The following KPNA1 variants were observed in gnomAD, a reference collection of about 807,000 sequenced individuals.
The protein encoded by KPNA1 is importin subunit alpha-5.
In KPNA1, 10 loss-of-function variants were observed where a neutral mutation model predicts 70.5. The observed-to-expected ratio is 0.14, with a 90% CI of 0.09 to 0.24. KPNA1 has a LOEUF of 0.24. Among genes scored for constraint, KPNA1 ranks in the 10% least tolerant of loss-of-function variants. The probability of loss-of-function intolerance (pLI) is 1.00; values close to 1 mark genes in which losing one functional copy is unlikely to be tolerated. For missense variants in KPNA1, 397 were observed against 637.9 expected (o/e 0.62, Z 4.07); for synonymous variants, 192 against 221.9 (o/e 0.87, Z 1.20).
At chr3:122,465,305 C>T (rs943849778) in intron 3 of KPNA1, among the ~76,000 whole-genome samples, 2 of 152,220 alleles carry the variant, frequency 1.3e-5, no homozygotes, top group African/African-American at 4.8e-5. Context: ...ACACTTAATA[C>T]ACCTAACCTA....
chr3:122,457,171 A>C (rs746570896), intron 5 of KPNA1, among the ~76,000 whole-genome samples: 3 of 152,208 alleles, frequency 2.0e-5, no homozygotes, highest in Non-Finnish European at 4.4e-5. Context: ...CTTTCATCAT[A>C]GTCTGTACTT....
intron 11 of KPNA1, among the ~76,000 whole-genome samples, chr3:122,435,244 C>T (rs2075969776): frequency 6.6e-6 from 1 of 152,118 alleles, no homozygotes; most frequent in Non-Finnish European, 1.5e-5. Context: ...TAGATGATCT[C>T]TCTGTTTCCA....
rs371255339 is a variant in KPNA1 at position 122,496,524 on chromosome 3, G to A, written c.42C>T (p.Tyr14=). 6.2e-7 allele frequency: 1 copy of A among 1,613,822 alleles called. No homozygotes were observed. Among genetic ancestry groups the A allele is most frequent in the Non-Finnish European group, 8.5e-7 (1 of 1,179,804 alleles). Residue 14 remains tyrosine (Y), a synonymous_variant, in exon 2 of 14, where the codon TAC becomes TAT. Coordinates refer to ENST00000344337, the MANE Select transcript of KPNA1 (RefSeq NM_002264.4). ...CATCGGGATTCAGAGATTTGTTCTT[G>A]TAACTTTTCAGGCGAAAGTTCTCTT... The part of the protein sequence containing the change: ...PGKENFRLKS[Y]KNKSLNPDEM...
intron 2 of KPNA1, among the ~76,000 whole-genome samples, chr3:122,489,782 G>A (rs142319733): frequency 3.3e-5 from 5 of 152,058 alleles, no homozygotes; most frequent in East Asian, 1.9e-4. Flanking sequence ...ATTTTACCTC[G>A]TGTACTGGAT....
chr3:122,457,764 G>A, intron 5 of KPNA1: 1 of 1,289,752 alleles, frequency 7.8e-7, no homozygotes, highest in Non-Finnish European at 1.0e-6. Context: ...AGGTACGCCT[G>A]GTTCCCTTTC....
At chr3:122,476,150 T>C (rs899380121) in intron 2 of KPNA1, among the ~76,000 whole-genome samples, 3 of 152,218 alleles carry the variant, frequency 2.0e-5, no homozygotes, top group Non-Finnish European at 2.9e-5. Flanking sequence ...TTATGATTAA[T>C]TGATTTTTCT....
intron 1 of KPNA1, among the ~76,000 whole-genome samples, chr3:122,503,251 G>A (rs1220522098): frequency 7.0e-6 from 1 of 142,038 alleles, no homozygotes; most frequent in Non-Finnish European, 1.6e-5. Flanking sequence ...TTGGAAGCAT[G>A]CATACATATA....
At chr3:122,462,381 A>G (rs2076333932) in intron 4 of KPNA1, among the ~76,000 whole-genome samples, 1 of 152,192 alleles carries the variant, frequency 6.6e-6, no homozygotes, top group Non-Finnish European at 1.5e-5. Flanking sequence ...AAATATTACT[A>G]TGCCATGACT....
intron 3 of KPNA1, among the ~76,000 whole-genome samples, chr3:122,466,630 A>G (rs1199682558): frequency 3.9e-5 from 6 of 152,218 alleles, no homozygotes; most frequent in Non-Finnish European, 8.8e-5. Flanking sequence ...AGAAAAATCC[A>G]AGAGTTCTGA....
At chr3:122,460,962 G>A (rs2076317555) in intron 5 of KPNA1, among the ~76,000 whole-genome samples, 1 of 152,058 alleles carries the variant, frequency 6.6e-6, no homozygotes, top group Admixed American at 6.5e-5. Flanking sequence ...CTCCTCTGCT[G>A]TAAACATTTC....
intron 1 of KPNA1, among the ~76,000 whole-genome samples, chr3:122,512,146 C>T (rs980403737): frequency 1.3e-5 from 2 of 151,436 alleles, no homozygotes; most frequent in African/African-American, 2.4e-5. Context: ...AGACTCCTGA[C>T]AGTCAAAGTA....
intron 12 of KPNA1, chr3:122,432,581 C>T (rs114904758): frequency 3.3e-5 from 5 of 152,300 alleles, no homozygotes; most frequent in African/African-American, 1.2e-4. Flanking sequence ...TGCTTTAGCA[C>T]TCATTTGAAA....
intron 5 of KPNA1, among the ~76,000 whole-genome samples, chr3:122,454,634 A>G (rs1233755918): frequency 1.3e-5 from 2 of 152,226 alleles, no homozygotes; most frequent in East Asian, 3.8e-4. Flanking sequence ...AAAAAGGCAA[A>G]AGGTATCAAA....
At chr3:122,427,766 CTT>C in intron 12 of KPNA1, 50 bp from the exon 13 acceptor site, 1 of 1,295,568 alleles carries the variant, frequency 7.7e-7, no homozygotes, top group East Asian at 2.5e-5. Flanking sequence ...TTTTGTTAAA[CTT>C]ATGAAATTAG....
intron 2 of KPNA1, among the ~76,000 whole-genome samples, chr3:122,467,943 C>T (rs1312017388): frequency 6.6e-6 from 1 of 152,124 alleles, no homozygotes; most frequent in Non-Finnish European, 1.5e-5. Context: ...AAAGCAGCTC[C>T]GTTAATGTGT....
At chr3:122,465,689 C>CA (rs1370696952) in intron 3 of KPNA1, among the ~76,000 whole-genome samples, 1 of 152,222 alleles carries the variant, frequency 6.6e-6, no homozygotes, top group Non-Finnish European at 1.5e-5. Flanking sequence ...ATCACGAGGT[C>CA]AGGAGTTCAA....
intron 9 of KPNA1, chr3:122,442,799 A>G (rs1201863668): frequency 6.6e-6 from 1 of 152,212 alleles, no homozygotes; most frequent in Non-Finnish European, 1.5e-5. Context: ...TTCAAATTTA[A>G]CATGTGATGA....
chr3:122,508,858 G>C (rs1027604845), intron 1 of KPNA1, among the ~76,000 whole-genome samples: 1 of 152,130 alleles, frequency 6.6e-6, no homozygotes, highest in Non-Finnish European at 1.5e-5. Flanking sequence ...CCTCAATAAA[G>C]AAAAGACAAC....
At chr3:122,475,795 AAAGT>A (rs1206281399) in intron 2 of KPNA1, among the ~76,000 whole-genome samples, 17 of 152,216 alleles carry the variant, frequency 1.1e-4, no homozygotes, top group East Asian at 3.8e-4. Context: ...TTTTTACAAT[AAAGT>A]AAGCTACAGA....
Sources: allele counts gnomAD v4.1 joint callset (sites outside exome capture counted in the v4.1 genomes callset), GRCh38; gene constraint gnomAD v4.1.1; transcripts MANE v1.5; gene names NCBI Gene and HGNC (gene_info 2026-07-23, HGNC 2026-07-21).